Variants in NTNG1 observed in about 807,000 individuals in gnomAD.
The protein encoded by NTNG1 is netrin G1, also known as netrin-G1.
In NTNG1, 16 loss-of-function variants were observed where a neutral mutation model predicts 54.0. That is an observed-to-expected ratio of 0.30 (90% CI 0.20 to 0.45). The LOEUF (loss-of-function observed/expected upper bound fraction) is 0.45. Among genes scored for constraint, NTNG1 ranks in the 20% least tolerant of loss-of-function variants. The pLI is 1.00. For synonymous variants in NTNG1, 255 were observed against 263.1 expected, an observed-to-expected ratio of 0.97 and a Z score of 0.30; for missense variants, 530 against 678.7, an observed-to-expected ratio of 0.78 and a Z score of 2.43.
chr1:107,249,107 C>G (rs1213454923), intron 2 of NTNG1, among the ~76,000 whole-genome samples: 2 of 149,978 alleles, frequency 1.3e-5, no homozygotes, highest in African/African-American at 4.9e-5. Flanking sequence ...TGCAGTAAGC[C>G]GAGATCACAC....
rs751529538 is a variant in NTNG1 at position 107,484,820 on chromosome 1, G to A, written c.*3980G>A. Among the ~76,000 whole-genome samples, 8 of 152,170 alleles carry A rather than the reference G, an allele frequency of 5.3e-5. No individual in the cohort carries two copies. The highest frequency in any genetic ancestry group is 2.1e-4 in the South Asian group (1 of 4,828). ...TGTAAAGACCCAGCATTCTGAAATG[G>A]GATGCTCTGTACTATATGGGAAATG... On this transcript the variant is annotated 3_prime_UTR_variant, in exon 8 of 8. Coordinates refer to ENST00000370068, the MANE Select transcript of NTNG1 (RefSeq NM_001113226.3).
chr1:107,206,309 G>A (rs181528404), intron 2 of NTNG1, among the ~76,000 whole-genome samples: 26 of 152,124 alleles, frequency 1.7e-4, no homozygotes, highest in Non-Finnish European at 2.6e-4. Context: ...TTGATATTTT[G>A]CGTCTTTTTC....
chr1:107,283,146 T>A (rs1664971510), intron 2 of NTNG1, among the ~76,000 whole-genome samples: 1 of 152,172 alleles, frequency 6.6e-6, no homozygotes, highest in South Asian at 2.1e-4. Context: ...GCTCTTACCA[T>A]TTTTGCCTTT....
chr1:107,402,082 T>C (rs576226209), intron 4 of NTNG1, among the ~76,000 whole-genome samples: 2 of 152,318 alleles, frequency 1.3e-5, no homozygotes, highest in East Asian at 3.9e-4. Context: ...AGATATATTG[T>C]GGCCAACTGC....
chr1:107,431,587 C>G (rs1311231868), intron 6 of NTNG1, among the ~76,000 whole-genome samples: 1 of 152,128 alleles, frequency 6.6e-6, no homozygotes, highest in Non-Finnish European at 1.5e-5. Flanking sequence ...CTTCCCTCCC[C>G]ACCAATGACT....
chr1:107,217,691 G>C (rs1660067429), intron 2 of NTNG1, among the ~76,000 whole-genome samples: 5 of 152,082 alleles, frequency 3.3e-5, no homozygotes, highest in African/African-American at 1.2e-4. Flanking sequence ...TTTCTATCTT[G>C]ATTCCATTGT....
intron 4 of NTNG1, among the ~76,000 whole-genome samples, chr1:107,399,363 C>A (rs1672880467): frequency 1.3e-5 from 2 of 152,124 alleles, no homozygotes; most frequent in Non-Finnish European, 2.9e-5. Flanking sequence ...TTTCTCTTAC[C>A]CACATGGTCT....
At chr1:107,471,059 A>G (rs1487817042) in intron 7 of NTNG1, among the ~76,000 whole-genome samples, 2 of 152,158 alleles carry the variant, frequency 1.3e-5, no homozygotes, top group African/African-American at 2.4e-5. Flanking sequence ...AGGCTCTTTA[A>G]TGGTGTTTTA....
chr1:107,302,790 A>G (rs995005171), intron 2 of NTNG1, among the ~76,000 whole-genome samples: 1 of 152,192 alleles, frequency 6.6e-6, no homozygotes, highest in African/African-American at 2.4e-5. Flanking sequence ...TTTAGAGGCA[A>G]GACCACAGAT....
chr1:107,420,779 C>T (rs1674524758), intron 5 of NTNG1, among the ~76,000 whole-genome samples: 1 of 152,000 alleles, frequency 6.6e-6, no homozygotes, highest in Non-Finnish European at 1.5e-5. Flanking sequence ...AAAAGATTGA[C>T]AGTAGGGGAT....
At chr1:107,432,162 T>C (rs1675309400) in intron 6 of NTNG1, among the ~76,000 whole-genome samples, 2 of 152,190 alleles carry the variant, frequency 1.3e-5, no homozygotes, top group African/African-American at 2.4e-5. Context: ...CTCATGGCTG[T>C]GTGCCATAGG....
At chr1:107,470,062 G>C (rs1370904360) in intron 7 of NTNG1, among the ~76,000 whole-genome samples, 4 of 152,142 alleles carry the variant, frequency 2.6e-5, no homozygotes, top group Non-Finnish European at 5.9e-5. Flanking sequence ...AGGAAGCTCT[G>C]ATGGTTCCAT....
At chr1:107,263,572 T>C (rs1228673003) in intron 2 of NTNG1, among the ~76,000 whole-genome samples, 1 of 152,216 alleles carries the variant, frequency 6.6e-6, no homozygotes, top group Non-Finnish European at 1.5e-5. Context: ...TAATGAATAC[T>C]CTGAGTTATC....
At chr1:107,189,140 C>T (rs1570799241) in intron 2 of NTNG1, among the ~76,000 whole-genome samples, 1 of 151,780 alleles carries the variant, frequency 6.6e-6, no homozygotes, top group Non-Finnish European at 1.5e-5. Context: ...TCCCTTGAGG[C>T]CAGGAGTTCA....
intron 2 of NTNG1, among the ~76,000 whole-genome samples, chr1:107,165,044 G>A (rs980473618): frequency 1.3e-5 from 2 of 152,070 alleles, no homozygotes; most frequent in African/African-American, 4.8e-5. Context: ...CGGGAAGGGC[G>A]GTTACAGAAC....
intron 2 of NTNG1, among the ~76,000 whole-genome samples, chr1:107,241,533 T>G (rs1661828177): frequency 6.6e-6 from 1 of 152,206 alleles, no homozygotes; most frequent in South Asian, 2.1e-4. Flanking sequence ...CCACAGTGTT[T>G]TAACCCTACT....
At chr1:107,394,967 C>T (rs1038562921) in intron 3 of NTNG1, among the ~76,000 whole-genome samples, 187 bp from the exon 4 acceptor site, 2 of 152,134 alleles carry the variant, frequency 1.3e-5, no homozygotes, top group Non-Finnish European at 2.9e-5. Flanking sequence ...ATTGTAACAA[C>T]CCTGCCCCCT....
chr1:107,192,588 G>C (rs1172617897), intron 2 of NTNG1, among the ~76,000 whole-genome samples: 1 of 151,932 alleles, frequency 6.6e-6, no homozygotes, highest in Non-Finnish European at 1.5e-5. Context: ...ACATGTATTT[G>C]CCTGAAATCT....
At chr1:107,305,136 T>C (rs539813495) in intron 2 of NTNG1, among the ~76,000 whole-genome samples, 2 of 152,360 alleles carry the variant, frequency 1.3e-5, no homozygotes, top group East Asian at 1.9e-4. Context: ...CAGTCTATCA[T>C]TGATGGGCAT....
Sources: gnomAD v4.1 joint callset for allele counts (sites outside exome capture counted in the v4.1 genomes callset) on GRCh38, gnomAD v4.1.1 for gene constraint, MANE v1.5 for transcripts, NCBI Gene and HGNC (gene_info 2026-07-23, HGNC 2026-07-21) for gene names.